The following PDZRN4 variants were observed in gnomAD, a reference collection of about 807,000 sequenced individuals.
PDZRN4 encodes the protein PDZ domain containing ring finger 4, also known as PDZ domain-containing RING finger protein 4.
In PDZRN4, 70 loss-of-function variants were observed where a neutral mutation model predicts 99.0. That is an observed-to-expected ratio of 0.71 (90% CI 0.58 to 0.86). PDZRN4 has a LOEUF of 0.86. Among genes scored for constraint, PDZRN4 ranks in the 40% least tolerant of loss-of-function variants. The pLI, the probability that PDZRN4 is intolerant of heterozygous loss-of-function variation, is 0.00. For synonymous variants in PDZRN4, 551 were observed against 501.6 expected, an observed-to-expected ratio of 1.10 and a Z score of -1.32; for missense variants, 1,474 against 1,331.2, an observed-to-expected ratio of 1.11 and a Z score of -1.67.
intron 3 of PDZRN4, among the ~76,000 whole-genome samples, chr12:41,319,409 G>T (rs961810614): frequency 2.0e-5 from 3 of 151,988 alleles, no homozygotes; most frequent in Non-Finnish European, 4.4e-5. Context: ...GGTCACTGGG[G>T]GCCTGGGTTC....
chr12:41,265,945 C>A (rs1221626662), intron 3 of PDZRN4, among the ~76,000 whole-genome samples: 1 of 151,984 alleles, frequency 6.6e-6, no homozygotes, highest in Non-Finnish European at 1.5e-5. Flanking sequence ...TTATTCAAAT[C>A]AAAGCCTTTT....
chr12:41,274,613 G>A (rs2120869395), intron 3 of PDZRN4, among the ~76,000 whole-genome samples: 1 of 152,220 alleles, frequency 6.6e-6, no homozygotes, highest in Admixed American at 6.5e-5. Context: ...TCTACCTCTT[G>A]TATCCCTAGA....
intron 3 of PDZRN4, among the ~76,000 whole-genome samples, chr12:41,452,575 T>G (rs1952784623): frequency 6.6e-6 from 1 of 152,202 alleles, no homozygotes; most frequent in Non-Finnish European, 1.5e-5. Context: ...CCCCTGCTCC[T>G]GAATATGTTG....
At chr12:41,366,964 A>G (rs1327423986) in intron 3 of PDZRN4, among the ~76,000 whole-genome samples, 1 of 152,048 alleles carries the variant, frequency 6.6e-6, no homozygotes, top group African/African-American at 2.4e-5. Flanking sequence ...GATACAGAGC[A>G]TGGATAGTCC....
intron 3 of PDZRN4, among the ~76,000 whole-genome samples, chr12:41,201,500 T>A (rs1485948564): frequency 6.6e-6 from 1 of 152,114 alleles, no homozygotes; most frequent in African/African-American, 2.4e-5. Flanking sequence ...TAGTATTTTA[T>A]TGAACTTACT....
At chr12:41,541,404 A>C (rs1938851710) in intron 5 of PDZRN4, among the ~76,000 whole-genome samples, 1 of 150,404 alleles carries the variant, frequency 6.6e-6, no homozygotes. Context: ...AACCCTTACC[A>C]CCATAGTATG....
At chr12:41,475,101 T>C (rs1464192634) in intron 3 of PDZRN4, among the ~76,000 whole-genome samples, 1 of 152,176 alleles carries the variant, frequency 6.6e-6, no homozygotes. Flanking sequence ...CTGTTTCTCC[T>C]ACCTAGAAGT....
At chr12:41,263,468 C>T (rs1382184212) in intron 3 of PDZRN4, among the ~76,000 whole-genome samples, 1 of 152,142 alleles carries the variant, frequency 6.6e-6, no homozygotes, top group Admixed American at 6.5e-5. Context: ...GGGAGGATCA[C>T]TTGAGGTCAG....
At chr12:41,394,979 C>T (rs1004516892) in intron 3 of PDZRN4, among the ~76,000 whole-genome samples, 5 of 152,062 alleles carry the variant, frequency 3.3e-5, no homozygotes, top group African/African-American at 7.2e-5. Context: ...TTAAGCTCTA[C>T]CTCTTGAAGG....
chr12:41,408,451 G>T (rs1456017182), intron 3 of PDZRN4, among the ~76,000 whole-genome samples: 3 of 152,182 alleles, frequency 2.0e-5, no homozygotes, highest in Non-Finnish European at 2.9e-5. Context: ...CAAAGTGGAA[G>T]TGTGGGGGAG....
At chr12:41,479,109 G>C (rs1171038892) in intron 3 of PDZRN4, among the ~76,000 whole-genome samples, 1 of 152,114 alleles carries the variant, frequency 6.6e-6, no homozygotes, top group Non-Finnish European at 1.5e-5. Flanking sequence ...GACAGGAAGA[G>C]TCCAGGATTA....
At chr12:41,219,600 T>C (rs1950940978) in intron 3 of PDZRN4, among the ~76,000 whole-genome samples, 1 of 151,744 alleles carries the variant, frequency 6.6e-6, no homozygotes, top group African/African-American at 2.4e-5. Flanking sequence ...ATATGTGAGG[T>C]GAGGTATTAA....
chr12:41,282,489 C>T (rs945147028), intron 3 of PDZRN4, among the ~76,000 whole-genome samples: 13 of 152,160 alleles, frequency 8.5e-5, no homozygotes, highest in Admixed American at 7.2e-4. Context: ...CAAGGATATT[C>T]GGGAGTTGAA....
chr12:41,199,384 A>C (rs1950799620), intron 3 of PDZRN4, among the ~76,000 whole-genome samples: 1 of 152,216 alleles, frequency 6.6e-6, no homozygotes, highest in South Asian at 2.1e-4. Flanking sequence ...TGTAGAGAAA[A>C]GAGAACACTT....
At chr12:41,258,262 AT>A (rs1440694280) in intron 3 of PDZRN4, among the ~76,000 whole-genome samples, 5 of 152,168 alleles carry the variant, frequency 3.3e-5, no homozygotes, top group Non-Finnish European at 5.9e-5. Context: ...AAAGGAAAAT[AT>A]TTATATCTTG....
chr12:41,317,371 T>C (rs566607945), intron 3 of PDZRN4, among the ~76,000 whole-genome samples: 1 of 152,030 alleles, frequency 6.6e-6, no homozygotes, highest in Admixed American at 6.6e-5. Context: ...AAGGTCAGTC[T>C]TTTTTCTCTT....
At chr12:41,273,262 G>C in intron 3 of PDZRN4, among the ~76,000 whole-genome samples, 1 of 151,980 alleles carries the variant, frequency 6.6e-6, no homozygotes, top group East Asian at 1.9e-4. Flanking sequence ...GACATAGAAG[G>C]AAAGCAAGTT....
intron 3 of PDZRN4, among the ~76,000 whole-genome samples, chr12:41,406,593 T>G (rs1952351895): frequency 6.6e-6 from 1 of 152,028 alleles, no homozygotes; most frequent in Non-Finnish European, 1.5e-5. Flanking sequence ...AAAAATGCAT[T>G]GCTTAAAAAG....
chr12:41,228,598 A>C (rs762305022), intron 3 of PDZRN4, among the ~76,000 whole-genome samples: 1 of 152,154 alleles, frequency 6.6e-6, no homozygotes, highest in Non-Finnish European at 1.5e-5. Context: ...ATCTTCCTAA[A>C]TAAAAAGGCT....
Sources: allele counts gnomAD v4.1 joint callset (sites outside exome capture counted in the v4.1 genomes callset), GRCh38; gene constraint gnomAD v4.1.1; transcripts MANE v1.5; gene names NCBI Gene and HGNC (gene_info 2026-07-23, HGNC 2026-07-21).